The following KIAA0825 variants were observed in gnomAD, a reference collection of about 807,000 sequenced individuals.
KIAA0825 encodes KIAA0825, also known as uncharacterized protein KIAA0825.
A neutral mutation model predicts 147.6 loss-of-function variants in KIAA0825; 119 were observed. The ratio of observed to expected loss-of-function variants is 0.81; its 90% CI spans 0.69 to 0.94. The LOEUF (loss-of-function observed/expected upper bound fraction) is 0.94, where lower values mean the gene tolerates loss of function less well. Ranked by LOEUF, KIAA0825 falls within the 40% of genes least tolerant of loss-of-function variation. The probability of loss-of-function intolerance (pLI) is 0.00; values close to 1 mark genes in which losing one functional copy is unlikely to be tolerated. For missense variants in KIAA0825, 1,381 were observed against 1,472.7 expected, an observed-to-expected ratio of 0.94 and a Z score of 1.02; for synonymous variants, 470 against 518.1, an observed-to-expected ratio of 0.91 and a Z score of 1.26.
chr5:94,268,491 G>T (rs1486797317), intron 20 of KIAA0825, among the ~76,000 whole-genome samples: 2 of 152,262 alleles, frequency 1.3e-5, no homozygotes, highest in East Asian at 3.9e-4. Flanking sequence ...TGGCTGCTGA[G>T]AAACCACAGC....
intron 14 of KIAA0825, among the ~76,000 whole-genome samples, chr5:94,420,520 T>C (rs968227264): frequency 1.3e-5 from 2 of 152,186 alleles, no homozygotes; most frequent in African/African-American, 4.8e-5. Flanking sequence ...TGCAAAACTC[T>C]TTAATTTCAT....
chr5:94,590,664 C>T (rs1417394331), intron 1 of KIAA0825, among the ~76,000 whole-genome samples: 3 of 152,228 alleles, frequency 2.0e-5, no homozygotes, highest in East Asian at 1.9e-4. Context: ...CAATGTCAGC[C>T]GGCTTTAAAG....
At chr5:94,311,004 A>G (rs1021505625) in intron 20 of KIAA0825, among the ~76,000 whole-genome samples, 6 of 151,712 alleles carry the variant, frequency 4.0e-5, no homozygotes, top group Non-Finnish European at 8.9e-5. Flanking sequence ...GTGCATTAAA[A>G]TCATGCAGGG....
chr5:94,346,528 C>A (rs1365531552), intron 20 of KIAA0825, among the ~76,000 whole-genome samples: 1 of 152,072 alleles, frequency 6.6e-6, no homozygotes, highest in Non-Finnish European at 1.5e-5. Flanking sequence ...GAAAAGAAGA[C>A]CCTCCCCTCC....
intron 20 of KIAA0825, among the ~76,000 whole-genome samples, chr5:94,332,256 C>A (rs866037616): frequency 7.0e-6 from 1 of 143,708 alleles, no homozygotes; most frequent in African/African-American, 2.6e-5. Flanking sequence ...ACTTTAAGTT[C>A]TGGGATGCAT....
chr5:94,520,372 A>C lies in KIAA0825; in HGVS notation c.846T>G (p.Thr282=). ...VKFIKETYLD[T]VTEEMAKFLE... ...GAAATTTTGCCATTTCTTCTGTAAC[A>C]GTATCCAGGTAAGTTTCTTTAATGA... The change falls in exon 5 of 21, where the codon ACT becomes ACG. Residue 282 remains threonine (T), a synonymous_variant. Transcript: ENST00000682413. 1 of 1,613,504 alleles carries C rather than the reference A, an allele frequency of 6.2e-7. No homozygotes were observed. The highest frequency in any genetic ancestry group is 8.5e-7 in the Non-Finnish European group (1 of 1,179,514).
intron 20 of KIAA0825, among the ~76,000 whole-genome samples, chr5:94,357,237 A>AAC (rs201361258): frequency 1.4e-5 from 2 of 143,292 alleles, no homozygotes; most frequent in African/African-American, 2.5e-5. Flanking sequence ...AACTCAAGCT[A>AAC]ACACACGTTA....
intron 20 of KIAA0825, among the ~76,000 whole-genome samples, chr5:94,290,608 C>T (rs1562352053): frequency 6.6e-6 from 1 of 152,108 alleles, no homozygotes; most frequent in East Asian, 1.9e-4. Flanking sequence ...GTGCATGTGT[C>T]TTTATAATAG....
At chr5:94,608,483 ATATATATAAT>A (rs1788028620) in intron 1 of KIAA0825, among the ~76,000 whole-genome samples, 2 of 13,752 alleles carry the variant, frequency 1.5e-4, no homozygotes, top group East Asian at 0.022. Flanking sequence ...TAATATATAT[ATATATATAAT>A]TATATATATA....
intron 20 of KIAA0825, among the ~76,000 whole-genome samples, chr5:94,192,038 A>G (rs1191720376): frequency 2.0e-5 from 3 of 152,260 alleles, no homozygotes; most frequent in African/African-American, 4.8e-5. Context: ...GCACAAAAAA[A>G]GAATAAGATT....
At chr5:94,533,962 C>G (rs1343248040) in intron 3 of KIAA0825, among the ~76,000 whole-genome samples, 1 of 152,026 alleles carries the variant, frequency 6.6e-6, no homozygotes, top group Non-Finnish European at 1.5e-5. Flanking sequence ...GGCAATAGAC[C>G]CTGTGGCTCA....
chr5:94,480,951 A>G (rs1762434540), intron 6 of KIAA0825, among the ~76,000 whole-genome samples: 1 of 152,124 alleles, frequency 6.6e-6, no homozygotes, highest in Non-Finnish European at 1.5e-5. Flanking sequence ...GATTTAACAA[A>G]TTGTGGCATT....
chr5:94,184,510 CTT>C (rs973300207), intron 20 of KIAA0825, among the ~76,000 whole-genome samples: 2 of 152,060 alleles, frequency 1.3e-5, no homozygotes, highest in Non-Finnish European at 2.9e-5. Flanking sequence ...ACCTCATACT[CTT>C]TATATTAGAA....
At chr5:94,275,997 G>T (rs931981719) in intron 20 of KIAA0825, among the ~76,000 whole-genome samples, 2 of 152,094 alleles carry the variant, frequency 1.3e-5, no homozygotes, top group Admixed American at 1.3e-4. Flanking sequence ...TCATTCTGTA[G>T]CTCAATTAAT....
intron 20 of KIAA0825, among the ~76,000 whole-genome samples, chr5:94,382,374 G>A (rs1364550816): frequency 6.6e-6 from 1 of 152,088 alleles, no homozygotes; most frequent in Non-Finnish European, 1.5e-5. Flanking sequence ...AGACAAGAGG[G>A]TGTCATCGAG....
At chr5:94,541,206 G>A (rs532330947) in intron 2 of KIAA0825, among the ~76,000 whole-genome samples, 3 of 152,202 alleles carry the variant, frequency 2.0e-5, no homozygotes, top group Non-Finnish European at 1.5e-5. Flanking sequence ...GACATGTGGA[G>A]TTAGACGCTG....
At chr5:94,412,494 G>A (rs1189095142) in intron 15 of KIAA0825, among the ~76,000 whole-genome samples, 2 of 151,978 alleles carry the variant, frequency 1.3e-5, no homozygotes, top group African/African-American at 4.8e-5. Context: ...TCCACCTCCT[G>A]GGTTCAAGTG....
chr5:94,439,689 T>G (rs529000036), intron 14 of KIAA0825, among the ~76,000 whole-genome samples: 1 of 152,196 alleles, frequency 6.6e-6, no homozygotes, highest in Non-Finnish European at 1.5e-5. Flanking sequence ...GTCCTACAAT[T>G]TTTTTAGGCA....
chr5:94,228,574 C>T (rs145633697), intron 20 of KIAA0825, among the ~76,000 whole-genome samples: 1 of 152,286 alleles, frequency 6.6e-6, no homozygotes, highest in Non-Finnish European at 1.5e-5. Flanking sequence ...GTTCTACCCA[C>T]ATCTCACTGG....
Sources: allele counts gnomAD v4.1 joint callset (sites outside exome capture counted in the v4.1 genomes callset), GRCh38; gene constraint gnomAD v4.1.1; transcripts MANE v1.5; gene names NCBI Gene and HGNC (gene_info 2026-07-23, HGNC 2026-07-21).